The following CEP250 variants were observed in gnomAD, a reference collection of about 807,000 sequenced individuals.
CEP250 encodes centrosomal protein 250, also known as centrosome-associated protein CEP250.
CEP250 carries 242 observed loss-of-function variants against 315.7 expected under a neutral mutation model. The ratio of observed to expected loss-of-function variants is 0.77; its 90% CI spans 0.69 to 0.85. The LOEUF (loss-of-function observed/expected upper bound fraction) is 0.85. Among genes scored for constraint, CEP250 ranks in the 40% least tolerant of loss-of-function variants. The pLI, the probability that CEP250 is intolerant of heterozygous loss-of-function variation, is 0.00. For synonymous variants in CEP250, 1,088 were observed against 1,175.0 expected, an observed-to-expected ratio of 0.93 and a Z score of 1.51; for missense variants, 2,515 against 2,886.4, an observed-to-expected ratio of 0.87 and a Z score of 2.95.
chr20:35,509,641 C>T (rs1041971236), intron 33 of CEP250, among the ~76,000 whole-genome samples: 2 of 152,228 alleles, frequency 1.3e-5, no homozygotes, highest in Non-Finnish European at 2.9e-5. Context: ...TGAAAGTTCT[C>T]AAGGGCAGGC....
Position 35,502,388 on chromosome 20 carries a change from A to G in CEP250, c.4021-2A>G, listed in dbSNP as rs1367326691. 1 of 1,610,578 alleles carries G rather than the reference A, an allele frequency of 6.2e-7. No individual in the cohort carries two copies. Among genetic ancestry groups the G allele is most frequent in the East Asian group, 2.2e-5 (1 of 44,838 alleles). ...AAAGTGGCTTTTCATCTTGTCTTCT[A>G]GGGTGAGCGAGAGTTACTTCAGGCA... On this transcript the variant is annotated splice_acceptor_variant, in intron 29 of 34. Transcript: ENST00000397527. LOFTEE classifies it high-confidence loss of function.
At chr20:35,470,766 A>G (rs958888761) in intron 10 of CEP250, among the ~76,000 whole-genome samples, 1 of 152,208 alleles carries the variant, frequency 6.6e-6, no homozygotes, top group African/African-American at 2.4e-5. Flanking sequence ...AAAAGAGAAA[A>G]GAGAGTTTAC....
At chr20:35,495,093 A>G (rs1192913064) in intron 24 of CEP250, among the ~76,000 whole-genome samples, 2 of 152,214 alleles carry the variant, frequency 1.3e-5, no homozygotes, top group East Asian at 3.8e-4. Flanking sequence ...AAGTGGAGCT[A>G]CCCATGTAAA....
chr20:35,487,769 C>T lies in CEP250; in HGVS notation c.2587-2868C>T, dbSNP rs145139861. Among the ~76,000 whole-genome samples, 466 of 152,224 alleles carry T rather than the reference C, an allele frequency of 3.1e-3. 3 individuals are homozygous for T. Among genetic ancestry groups the T allele is most frequent in the Non-Finnish European group, 5.2e-3 (355 of 68,016 alleles). On this transcript the variant is annotated intron_variant, in intron 20 of 34. Transcript: ENST00000397527. Reference sequence around the variant, plus strand: ...GGGCAACATAGCAAGATCCCCATCTCTAAATAAATAAAATATAAAAAGAGA... The same window carrying T: ...GGGCAACATAGCAAGATCCCCATCTTTAAATAAATAAAATATAAAAAGAGA...
intron 28 of CEP250, 112 bp from the exon 29 acceptor site, chr20:35,501,733 C>T (rs1403016519): frequency 2.4e-6 from 3 of 1,256,358 alleles, no homozygotes; most frequent in African/African-American, 3.0e-5. Context: ...CCTTCTTGGC[C>T]TTCCTTCCCT....
intron 20 of CEP250, among the ~76,000 whole-genome samples, chr20:35,486,082 G>C (rs576410389): frequency 8.1e-5 from 12 of 147,852 alleles, no homozygotes; most frequent in African/African-American, 2.8e-4. Flanking sequence ...TGCACAGGCA[G>C]TGGTGCTGTT....
chr20:35,507,987 A>C lies in CEP250; in HGVS notation c.6751-48A>C, dbSNP rs116453376. On this transcript the variant is annotated intron_variant, in intron 31 of 34. Transcript: ENST00000397527. ...TCTGTGTGTCCTCTGTCTGTTCCCT[A>C]CCTGTCTTAGGGGCTGCCCAGGTGA... 8 of 1,611,672 alleles carry C rather than the reference A, an allele frequency of 5.0e-6. No individual in the cohort carries two copies. In the African/African-American group the frequency reaches 9.4e-5, roughly 19 times the overall value.
intron 5 of CEP250, among the ~76,000 whole-genome samples, chr20:35,465,064 C>T (rs6058251): frequency 3.3e-5 from 5 of 152,322 alleles, no homozygotes; most frequent in African/African-American, 1.2e-4. Context: ...CAGCAACTTT[C>T]TGAAGGGAAC....
Position 35,467,337 on chromosome 20 carries a change from G to A in CEP250, c.633G>A (p.Arg211=), listed in dbSNP as rs760005480. 1.2e-6 allele frequency: 2 copies of A among 1,614,120 alleles called. No individual in the cohort carries two copies. Among genetic ancestry groups the A allele is most frequent in the Non-Finnish European group, 1.7e-6 (2 of 1,179,962 alleles). ...DLMELKAEHV[R]LSGSLLTCCL... The stretch of plus-strand genomic sequence containing the variant: ...TGGAGCTAAAAGCTGAGCATGTGAG[G>A]CTTTCAGGGTCTCTGTTGACCTGTT... The change falls in exon 9 of 35, where the codon AGG becomes AGA. Residue 211 remains arginine (R), a synonymous_variant. Transcript: ENST00000397527.
chr20:35,490,141 C>T (rs533618318), intron 20 of CEP250, among the ~76,000 whole-genome samples: 1 of 152,220 alleles, frequency 6.6e-6, no homozygotes, highest in South Asian at 2.1e-4. Flanking sequence ...GTTGAAACCC[C>T]ATCTCTACTA....
chr20:35,463,485 G>A (rs530301465), intron 4 of CEP250, 90 bp from the exon 5 acceptor site: 78 of 1,107,372 alleles, frequency 7.0e-5, no homozygotes, highest in Middle Eastern at 3.2e-4. Flanking sequence ...CCTGTTCATA[G>A]CAAGTTTGCC....
chr20:35,485,470 C>T (rs1191247329), intron 20 of CEP250, among the ~76,000 whole-genome samples: 1 of 151,472 alleles, frequency 6.6e-6, no homozygotes, highest in Non-Finnish European at 1.5e-5. Context: ...ATTTGTTAAC[C>T]CCAGTCCAGA....
intron 3 of CEP250, among the ~76,000 whole-genome samples, chr20:35,461,066 G>A (rs1331459103): frequency 6.6e-6 from 1 of 152,238 alleles, no homozygotes; most frequent in Non-Finnish European, 1.5e-5. Context: ...TTTGAGCCAG[G>A]ATGTGGGAAA....
chr20:35,480,458 G>A (rs2063314508), intron 20 of CEP250, among the ~76,000 whole-genome samples: 1 of 152,138 alleles, frequency 6.6e-6, no homozygotes, highest in African/African-American at 2.4e-5. Flanking sequence ...TATCTTGGAT[G>A]CATTCTTGTG....
intron 5 of CEP250, among the ~76,000 whole-genome samples, chr20:35,464,210 TTC>T (rs1336198063): frequency 6.6e-6 from 1 of 152,202 alleles, no homozygotes; most frequent in Non-Finnish European, 1.5e-5. Context: ...GCTATATGCA[TTC>T]AGTATGTTCC....
rs182505433 is a variant in CEP250, at chr20:35,515,811, G to A, written c.*4185G>A. 2 of 152,436 alleles carry A rather than the reference G, an allele frequency of 1.3e-5. No individual in the cohort carries two copies. The highest frequency in any genetic ancestry group is 3.9e-4 in the East Asian group (2 of 5,178). The allele number at this position is 152,436 out of a possible 1,614,324, so 9.4% of individuals were successfully genotyped here. ...TGATTCTGGGCACAGCTGAGGAGGAGTGCAAGCTCAACTCTGCTCACCACA... is the reference window on the plus strand; with the variant it reads ...TGATTCTGGGCACAGCTGAGGAGGAATGCAAGCTCAACTCTGCTCACCACA... On this transcript the variant is annotated 3_prime_UTR_variant, in exon 35 of 35. Transcript: ENST00000397527.
chr20:35,503,023 T>C lies in CEP250; in HGVS notation c.4654T>C (p.Leu1552=). ...ACAGGTTCAGGACCTGAAAAAGCAG[T>C]TGGTTACTCTGGAATGCCTGGCCCT... The part of the protein sequence containing the change: ...RGQVQDLKKQ[L]VTLECLALEL... The change falls in exon 30 of 35, where the codon TTG becomes CTG. Residue 1552 remains leucine (L), a synonymous_variant. Coordinates refer to ENST00000397527, the MANE Select transcript of CEP250 (RefSeq NM_007186.6). The surrounding 1 kb of genome is among the most constrained non-coding windows in gnomAD (Gnocchi z 4.2). The C allele has an allele frequency of 6.2e-7, 1 of 1,613,956 alleles. No homozygotes were observed. The highest frequency in any genetic ancestry group is 8.5e-7 in the Non-Finnish European group (1 of 1,179,962).
At chr20:35,507,532 A>G (rs920361388) in intron 30 of CEP250, among the ~76,000 whole-genome samples, 1 of 150,840 alleles carries the variant, frequency 6.6e-6, no homozygotes, top group Non-Finnish European at 1.5e-5. Context: ...TTGCTAGCTC[A>G]CCGCATATCC....
chr20:35,470,069 C>T (rs752059502), intron 10 of CEP250, 83 bp downstream of exon 10: 4 of 858,944 alleles, frequency 4.7e-6, no homozygotes, highest in Non-Finnish European at 7.7e-6. Context: ...TGCAGGATAC[C>T]AGTTACATAT....
Sources: gnomAD v4.1 joint callset for allele counts (sites outside exome capture counted in the v4.1 genomes callset) on GRCh38, gnomAD v4.1.1 for gene constraint, Gnocchi (gnomAD v3.1) non-coding constraint, MANE v1.5 for transcripts, NCBI Gene and HGNC (gene_info 2026-07-23, HGNC 2026-07-21) for gene names.